Variants in VWA3A observed in about 807,000 individuals in gnomAD.
VWA3A encodes von Willebrand factor A domain containing 3A, also known as von Willebrand factor A domain-containing protein 3A.
VWA3A carries 134 observed loss-of-function variants against 160.4 expected under a neutral mutation model. The ratio of observed to expected loss-of-function variants is 0.84; its 90% CI spans 0.73 to 0.96. VWA3A has a LOEUF of 0.96. VWA3A is among the 40% of genes least tolerant of loss of function. VWA3A has a pLI of 0.00. For synonymous variants in VWA3A, 476 were observed against 543.4 expected (o/e 0.88, Z 1.72); for missense variants, 1,310 against 1,447.9 (o/e 0.90, Z 1.55).
chr16:22,097,438 A>AGGGCTTT, intron 2 of VWA3A, 134 bp from the exon 3 acceptor site: 1 of 1,165,714 alleles, frequency 8.6e-7, no homozygotes, highest in African/African-American at 1.6e-5. Context: ...ACTCTGCAGG[A>AGGGCTTT]ATCCTTCTCA....
chr16:22,136,586 G>T (rs1002305182), intron 21 of VWA3A, among the ~76,000 whole-genome samples: 3 of 152,056 alleles, frequency 2.0e-5, no homozygotes, highest in Non-Finnish European at 2.9e-5. Context: ...CTTGCAGAAG[G>T]ACTCACTTCC....
intron 6 of VWA3A, among the ~76,000 whole-genome samples, chr16:22,109,238 A>G (rs1423550754): frequency 6.6e-6 from 1 of 152,244 alleles, no homozygotes; most frequent in East Asian, 1.9e-4. Context: ...TCATAAGATT[A>G]GACAATAAAT....
chr16:22,115,309 A>G, intron 8 of VWA3A, 38 bp from the exon 9 acceptor site: 1 of 1,538,636 alleles, frequency 6.5e-7, no homozygotes, highest in Non-Finnish European at 8.7e-7. Flanking sequence ...CAATACAAAC[A>G]GTCTTATAAT....
At chr16:22,097,865 C>G (rs554661657) in intron 3 of VWA3A, among the ~76,000 whole-genome samples, 170 bp downstream of exon 3, 39 of 152,266 alleles carry the variant, frequency 2.6e-4, no homozygotes, top group African/African-American at 9.1e-4. Flanking sequence ...TGAAGAATCT[C>G]TATACTGTTT....
chr16:22,140,331 C>T lies in VWA3A; in HGVS notation c.2383+87C>T, dbSNP rs560558461. 3.6e-5 allele frequency: 46 copies of T among 1,282,090 alleles called. No homozygotes were observed. The East Asian group carries it at 7.1e-4, about 20-fold the overall frequency. 79.4% of individuals were successfully genotyped at this position (1,282,090 alleles called of 1,614,324 possible). A position where few individuals can be genotyped will look rare whatever the true frequency, so the allele number is the denominator to read the frequency against. On this transcript the variant is annotated intron_variant, in intron 23 of 33. Coordinates refer to ENST00000389398, the MANE Select transcript of VWA3A (RefSeq NM_173615.5). ...TTAATAATGATAGTAACTAGAGCCA[C>T]GTGTGGAAGCTCGTGCCTATAATCC...
At chr16:22,123,795 A>G in intron 16 of VWA3A, 88 bp downstream of exon 16, 2 of 1,239,560 alleles carry the variant, frequency 1.6e-6, no homozygotes. Flanking sequence ...TGTTGGTAGC[A>G]TCAGAAGCCA....
Position 22,125,670 on chromosome 16 carries a change from G to A in VWA3A, c.1533-508G>A, listed in dbSNP as rs373106908. On this transcript the variant is annotated intron_variant, in intron 16 of 33. Transcript: ENST00000389398. ...AATCTCCTGACCTTGTGATCCGCCC[G>A]CCTCGGCCTCCCAGAGTGCTGGGAT... Among the ~76,000 whole-genome samples the A allele has an allele frequency of 5.9e-5, 9 of 151,914 alleles. No homozygotes were observed. The East Asian group carries it at 9.8e-4, about 16-fold the overall frequency.
chr16:22,111,029 T>G, intron 8 of VWA3A, 35 bp downstream of exon 8: 1 of 1,540,872 alleles, frequency 6.5e-7, no homozygotes, highest in South Asian at 1.2e-5. Context: ...TGATGTTCAC[T>G]TGTTCATTTT....
intron 26 of VWA3A, among the ~76,000 whole-genome samples, chr16:22,145,367 A>T (rs2046229514): frequency 6.6e-6 from 1 of 152,154 alleles, no homozygotes; most frequent in Admixed American, 6.5e-5. Context: ...GGCCAGACGC[A>T]GTGGCTCATG....
At position 22,103,494 on chromosome 16, in the gene VWA3A, G is replaced by C; in HGVS notation, c.448G>C (p.Glu150Gln). ...TGACAGCACTATTGAAGTCTATCAA[G>C]AGAGAATTCAGTGGCTCACAGAAAA... ...KLSDTIEVYQERIQWLTENSK... is the reference protein window; with the variant it reads ...KLSDTIEVYQQRIQWLTENSK... Residue 150 changes from glutamate (E) to glutamine (Q), a missense_variant, in exon 6 of 34, where the codon GAG (glutamate) becomes CAG (glutamine). Transcript: ENST00000389398. The C allele has an allele frequency of 6.4e-7, 1 of 1,551,906 alleles. No individual in the cohort carries two copies. The highest frequency in any genetic ancestry group is 8.7e-7 in the Non-Finnish European group (1 of 1,147,024).
At chr16:22,134,304 G>C (rs573394170) in intron 20 of VWA3A, 64 bp from the exon 21 acceptor site, 1 of 1,454,736 alleles carries the variant, frequency 6.9e-7, no homozygotes. Context: ...GTATCCAGAT[G>C]ATGGGGACGC....
At chr16:22,138,612 G>T in intron 22 of VWA3A, 100 bp downstream of exon 22, 1 of 1,494,166 alleles carries the variant, frequency 6.7e-7, no homozygotes, top group South Asian at 1.3e-5. Context: ...AGGGATGGGG[G>T]TGGGTGCTTC....
chr16:22,109,415 G>C, intron 6 of VWA3A, 67 bp from the exon 7 acceptor site: 1 of 1,327,012 alleles, frequency 7.5e-7, no homozygotes, highest in Non-Finnish European at 1.1e-6. Flanking sequence ...GCGTGGCACA[G>C]AGCAGCTCAG....
At chr16:22,102,201 A>G (rs1400792763) in intron 5 of VWA3A, among the ~76,000 whole-genome samples, 1 of 152,120 alleles carries the variant, frequency 6.6e-6, no homozygotes, top group East Asian at 1.9e-4. Context: ...AAATATAAAA[A>G]TTAGCCAGGT....
At chr16:22,123,039 G>A in intron 14 of VWA3A, 46 bp from the exon 15 acceptor site, 4 of 1,510,802 alleles carry the variant, frequency 2.6e-6, no homozygotes, top group Non-Finnish European at 3.6e-6. Flanking sequence ...TAAACTACAT[G>A]TACTTCTGTT....
chr16:22,145,856 G>A (rs924483901), intron 26 of VWA3A, among the ~76,000 whole-genome samples: 2 of 151,486 alleles, frequency 1.3e-5, no homozygotes, highest in Admixed American at 6.6e-5. Context: ...ATCTTGCTCT[G>A]TCATCCAGGC....
chr16:22,123,489 G>A (rs1486306850), intron 15 of VWA3A, 124 bp from the exon 16 acceptor site: 1 of 1,587,144 alleles, frequency 6.3e-7, no homozygotes, highest in East Asian at 2.3e-5. Flanking sequence ...TGATTATACT[G>A]CCTGGATTCC....
chr16:22,110,889 G>T lies in VWA3A; in HGVS notation c.584G>T (p.Ser195Ile). 6.2e-7 allele frequency: 1 copy of T among 1,603,966 alleles called. No individual in the cohort carries two copies. The change falls in exon 8 of 34, where the codon AGC becomes ATC. Residue 195 changes from serine (S) to isoleucine (I), a missense_variant and splice_region_variant. By Grantham distance (142) the Ser-to-Ile change is moderately radical. Coordinates refer to ENST00000389398, the MANE Select transcript of VWA3A (RefSeq NM_173615.5). ...QKEEFQKDLM[S>I]LIDEQLSHKE... The stretch of plus-strand genomic sequence containing the variant: ...CAGTGATGTCCTTTTGTCCAACAGA[G>T]CCTCATCGATGAGCAGCTGAGCCAC...
chr16:22,134,559 G>A (rs775254805), intron 21 of VWA3A, 121 bp downstream of exon 21: 6 of 834,622 alleles, frequency 7.2e-6, no homozygotes, highest in African/African-American at 1.7e-5. Flanking sequence ...ACTTCCAGAG[G>A]CTGGAAGTCT....
Sources: allele counts gnomAD v4.1 joint callset (sites outside exome capture counted in the v4.1 genomes callset), GRCh38; gene constraint gnomAD v4.1.1; transcripts MANE v1.5; gene names NCBI Gene and HGNC (gene_info 2026-07-23, HGNC 2026-07-21).